Variants in PTGIS observed in about 807,000 individuals in gnomAD.
PTGIS encodes the protein prostaglandin I2 synthase, also known as prostacyclin synthase.
A neutral mutation model predicts 50.3 loss-of-function variants in PTGIS; 45 were observed. The ratio of observed to expected loss-of-function variants is 0.90; its 90% CI spans 0.70 to 1.15. PTGIS has a LOEUF of 1.15. Among genes scored for constraint, PTGIS ranks in the 50% most tolerant of loss-of-function variants. The probability of loss-of-function intolerance (pLI) is 0.00; values close to 1 mark genes in which losing one functional copy is unlikely to be tolerated. For missense variants in PTGIS, 668 were observed against 661.3 expected (o/e 1.01, Z -0.11); for synonymous variants, 260 against 267.7 (o/e 0.97, Z 0.28).
intron 1 of PTGIS, 85 bp downstream of exon 1, chr20:49,567,958 C>A (rs1982947146): frequency 1.5e-6 from 2 of 1,290,560 alleles, no homozygotes; most frequent in Non-Finnish European, 1.0e-6. Context: ...GCCGGGCCGG[C>A]CGCGGGCTCC....
chr20:49,520,064 C>T (rs537152897), intron 6 of PTGIS, among the ~76,000 whole-genome samples: 21 of 152,324 alleles, frequency 1.4e-4, no homozygotes, highest in Admixed American at 5.2e-4. Context: ...ACAGCAGGCA[C>T]CTGTCTCACT....
At chr20:49,519,809 C>T (rs113524249) in intron 6 of PTGIS, among the ~76,000 whole-genome samples, 1 of 152,114 alleles carries the variant, frequency 6.6e-6, no homozygotes, top group Non-Finnish European at 1.5e-5. Flanking sequence ...TGGATTCATC[C>T]TTGATGGCCT....
intron 5 of PTGIS, among the ~76,000 whole-genome samples, chr20:49,536,181 A>G (rs1982063261): frequency 6.6e-6 from 1 of 152,252 alleles, no homozygotes; most frequent in East Asian, 1.9e-4. Context: ...TGAAGGGATA[A>G]TACCACCATG....
rs143458077 is a variant in PTGIS at position 49,542,341 on chromosome 20, G to C, written c.521+1964C>G. On this transcript the variant is annotated intron_variant, in intron 4 of 9. Transcript: ENST00000244043. Reference sequence around the variant, plus strand: ...GGCCCATTCTCTTTGTATTTCAGGGGCTGCTGATTGATGGCAGTGGAAAGG... The same window carrying C: ...GGCCCATTCTCTTTGTATTTCAGGGCCTGCTGATTGATGGCAGTGGAAAGG... Among the ~76,000 whole-genome samples, 407 of 152,326 alleles carry C rather than the reference G, an allele frequency of 2.7e-3. 1 individual carries two copies. Among genetic ancestry groups the C allele is most frequent in the Middle Eastern group, 0.017 (5 of 294 alleles).
chr20:49,552,732 C>T (rs796330927), intron 1 of PTGIS, among the ~76,000 whole-genome samples: 4 of 152,130 alleles, frequency 2.6e-5, no homozygotes, highest in South Asian at 4.1e-4. Context: ...GACTTAAAAA[C>T]GATACAGAAA....
At chr20:49,516,692 C>T (rs868862677) in intron 6 of PTGIS, among the ~76,000 whole-genome samples, 3 of 152,160 alleles carry the variant, frequency 2.0e-5, no homozygotes, top group African/African-American at 7.2e-5. Flanking sequence ...GCCCGTGAGG[C>T]CAGGAGGAAC....
chr20:49,523,977 A>C, intron 6 of PTGIS, 81 bp downstream of exon 6: 1 of 1,536,366 alleles, frequency 6.5e-7, no homozygotes, highest in Non-Finnish European at 8.9e-7. Flanking sequence ...GCACAGGTGC[A>C]CAGACATGCA....
chr20:49,522,259 G>A (rs1214259154), intron 6 of PTGIS, among the ~76,000 whole-genome samples: 2 of 151,956 alleles, frequency 1.3e-5, no homozygotes, highest in African/African-American at 2.4e-5. Flanking sequence ...CCAAGTCTCT[G>A]AATCTAGCTT....
rs1476434692 is a variant in PTGIS, at chr20:49,504,078, G to A, written c.*3842C>T. On this transcript the variant is annotated 3_prime_UTR_variant, in exon 10 of 10. Transcript: ENST00000244043. ...AGCCTGTTTCTCCATCTGGAGAACA[G>A]GCAGGTAGGGCATTGCCAGCTCCCT... 6.6e-6 allele frequency: 1 copy of A among 152,286 alleles called. No individual in the cohort carries two copies. The highest frequency in any genetic ancestry group is 1.5e-5 in the Non-Finnish European group (1 of 68,060). 9.4% of individuals were successfully genotyped at this position (152,286 alleles called of 1,614,324 possible). A position where few individuals can be genotyped will look rare whatever the true frequency, so the allele number is the denominator to read the frequency against.
chr20:49,535,174 C>T (rs1982037617), intron 5 of PTGIS, among the ~76,000 whole-genome samples: 1 of 152,118 alleles, frequency 6.6e-6, no homozygotes, highest in Admixed American at 6.6e-5. Flanking sequence ...AATAAGTTAC[C>T]CACCTCTGCC....
At chr20:49,535,094 T>A (rs1187714301) in intron 5 of PTGIS, among the ~76,000 whole-genome samples, 1 of 152,162 alleles carries the variant, frequency 6.6e-6, no homozygotes, top group Non-Finnish European at 1.5e-5. Flanking sequence ...CTTTTTTCCA[T>A]CAGATTGGCA....
At chr20:49,549,751 T>A (rs548505038) in intron 2 of PTGIS, among the ~76,000 whole-genome samples, 1 of 152,078 alleles carries the variant, frequency 6.6e-6, no homozygotes, top group Non-Finnish European at 1.5e-5. Flanking sequence ...GGAAGATGGA[T>A]GTTGAACGGA....
At chr20:49,530,557 T>A (rs1981910521) in intron 5 of PTGIS, among the ~76,000 whole-genome samples, 1 of 152,130 alleles carries the variant, frequency 6.6e-6, no homozygotes, top group South Asian at 2.1e-4. Flanking sequence ...TGCGAAAGAG[T>A]TCTCTTTTCT....
At chr20:49,558,783 A>G (rs1237162884) in intron 1 of PTGIS, among the ~76,000 whole-genome samples, 1 of 150,680 alleles carries the variant, frequency 6.6e-6, no homozygotes, top group Non-Finnish European at 1.5e-5. Context: ...GCGCGATCTC[A>G]GCTCACTGCA....
At chr20:49,530,266 G>A (rs1420801449) in intron 5 of PTGIS, among the ~76,000 whole-genome samples, 2 of 152,132 alleles carry the variant, frequency 1.3e-5, no homozygotes, top group African/African-American at 4.8e-5. Flanking sequence ...GGGGGTCTTG[G>A]AACATATCCC....
At chr20:49,539,450 C>T (rs890586097) in intron 5 of PTGIS, 120 bp downstream of exon 5, 3 of 1,204,136 alleles carry the variant, frequency 2.5e-6, no homozygotes, top group African/African-American at 3.0e-5. Flanking sequence ...ATCTTACTGC[C>T]TCCCTGGGCA....
At chr20:49,566,942 T>C (rs1017790037) in intron 1 of PTGIS, among the ~76,000 whole-genome samples, 2 of 152,178 alleles carry the variant, frequency 1.3e-5, no homozygotes, top group African/African-American at 4.8e-5. Flanking sequence ...ATGTTAACAA[T>C]AGGGAAAACG....
chr20:49,535,545 G>A (rs12165259), intron 5 of PTGIS, among the ~76,000 whole-genome samples: 6,893 of 152,244 alleles, frequency 0.045, 473 homozygotes, highest in African/African-American at 0.15. Context: ...ATGGAGTCTT[G>A]CTCTGTCACC....
At chr20:49,508,650 C>A (rs1176159937) in intron 9 of PTGIS, among the ~76,000 whole-genome samples, 4 of 152,206 alleles carry the variant, frequency 2.6e-5, no homozygotes, top group Admixed American at 1.3e-4. Context: ...TGCTGCTAAC[C>A]CTTAGGTGTC....
Sources: allele counts gnomAD v4.1 joint callset (sites outside exome capture counted in the v4.1 genomes callset), GRCh38; gene constraint gnomAD v4.1.1; transcripts MANE v1.5; gene names NCBI Gene and HGNC (gene_info 2026-07-23, HGNC 2026-07-21).